NPIPB8: variants seen among roughly 807,000 people sequenced by gnomAD.
NPIPB8 encodes nuclear pore complex interacting protein family member B8.
NPIPB8 carries 3 observed loss-of-function variants against 5.3 expected under a neutral mutation model. That is an observed-to-expected ratio of 0.57 (90% CI 0.26 to 1.47). NPIPB8 has a LOEUF of 1.47. NPIPB8 is among the 40% of genes most tolerant of loss of function. The pLI is 0.13. For synonymous variants in NPIPB8, 18 were observed against 23.0 expected, an observed-to-expected ratio of 0.78 and a Z score of 0.62; for missense variants, 50 against 50.2, an observed-to-expected ratio of 1.00 and a Z score of 0.01.
chr16:28,639,444 C>CACAT (rs1452819801), intron 2 of NPIPB8, among the ~76,000 whole-genome samples: 1,809 of 116,798 alleles, frequency 0.015, 79 homozygotes, highest in African/African-American at 0.064. Context: ...CACACACACA[C>CACAT]ATATATATAT....
upstream of NPIPB8, chr16:28,637,923 A>C: frequency 1.8e-6 from 1 of 540,980 alleles, no homozygotes; most frequent in Non-Finnish European, 2.6e-6. Flanking sequence ...TAGTAATATA[A>C]AAATGAGAAA....
intron 2 of NPIPB8, among the ~76,000 whole-genome samples, chr16:28,647,534 A>G (rs2048006279): frequency 1.2e-5 from 1 of 83,778 alleles, no homozygotes; most frequent in African/African-American, 8.0e-5. Flanking sequence ...AGGCCGAGGC[A>G]GGTAGATCGC....
intron 2 of NPIPB8, among the ~76,000 whole-genome samples, chr16:28,642,969 T>A (rs1190569898): frequency 2.0e-5 from 3 of 152,210 alleles, no homozygotes; most frequent in Non-Finnish European, 4.4e-5. Flanking sequence ...TTGGGCATAC[T>A]CTGTGTGATC....
intron 5 of NPIPB8, among the ~76,000 whole-genome samples, chr16:28,655,997 TTTTTTG>T (rs1278820594): frequency 3.2e-4 from 5 of 15,448 alleles, no homozygotes; most frequent in African/African-American, 4.9e-4. Flanking sequence ...ACCGTACAGT[TTTTTTG>T]TTTTTGTTTT....
intron 3 of NPIPB8, among the ~76,000 whole-genome samples, chr16:28,651,604 T>TTGTGTGTGTG (rs533825986): frequency 2.6e-5 from 1 of 39,130 alleles, no homozygotes; most frequent in Non-Finnish European, 4.8e-5. Flanking sequence ...CATGTCATTC[T>TTGTGTGTGTG]TGTGTGTGTG....
intron 2 of NPIPB8, among the ~76,000 whole-genome samples, chr16:28,641,270 C>T (rs879306151): frequency 1.3e-5 from 2 of 150,842 alleles, no homozygotes; most frequent in African/African-American, 2.4e-5. Context: ...GACAGGGCAT[C>T]ATCTGTGGGG....
At chr16:28,644,593 C>A (rs769684608) in intron 2 of NPIPB8, 4 of 1,529,778 alleles carry the variant, frequency 2.6e-6, no homozygotes, top group South Asian at 1.2e-5. Flanking sequence ...CCAGGACATG[C>A]GGCTGCGCTT....
chr16:28,642,469 T>C (rs1322242301), intron 2 of NPIPB8, among the ~76,000 whole-genome samples: 2 of 151,056 alleles, frequency 1.3e-5, no homozygotes, highest in Admixed American at 6.6e-5. Flanking sequence ...TTGTAAACCC[T>C]GTTTTTTGTT....
chr16:28,641,995 C>T (rs1334496625), intron 2 of NPIPB8, among the ~76,000 whole-genome samples: 6 of 149,828 alleles, frequency 4.0e-5, no homozygotes. Context: ...CTCTAGCAAC[C>T]CTTCATGGAC....
At chr16:28,640,438 A>C (rs3987667) in intron 2 of NPIPB8, among the ~76,000 whole-genome samples, 1 of 152,152 alleles carries the variant, frequency 6.6e-6, no homozygotes, top group African/African-American at 2.4e-5. Flanking sequence ...GAGAGTGGCC[A>C]GTCTCAATGG....
chr16:28,638,854 AGGCC>A (rs2047839211), intron 2 of NPIPB8, among the ~76,000 whole-genome samples: 2 of 149,140 alleles, frequency 1.3e-5, no homozygotes, highest in Non-Finnish European at 3.0e-5. Context: ...GGATCACCTG[AGGCC>A]AGGACTTCAA....
At position 28,652,042 on chromosome 16, in the gene NPIPB8, G is replaced by T; in HGVS notation, c.389G>T (p.Arg130Leu). ...DVQQRAWRSN[R>L]SRQKGLRSIC... is the part of the protein sequence containing the mutation. Reference sequence around the variant, plus strand: ...CAGCAGAGAGCCTGGAGGTCCAACCGCAGTAGACAGAAAGGTATGGCTCTG... The same window carrying T: ...CAGCAGAGAGCCTGGAGGTCCAACCTCAGTAGACAGAAAGGTATGGCTCTG... Residue 130 changes from arginine to leucine, a missense_variant, in exon 4 of 8, where the codon CGC becomes CTC. Arg to Leu is a moderately radical substitution (Grantham distance 102). Transcript: ENST00000683297. 4 of 169,820 alleles carry T rather than the reference G, an allele frequency of 2.4e-5. No homozygotes were observed. Among genetic ancestry groups the T allele is most frequent in the South Asian group, 8.7e-5 (3 of 34,634 alleles). The allele number at this position is 169,820 out of a possible 1,614,324, so 10.5% of individuals were successfully genotyped here. A position where few individuals can be genotyped will look rare whatever the true frequency, so the allele number is the denominator to read the frequency against.
intron 2 of NPIPB8, among the ~76,000 whole-genome samples, chr16:28,638,709 C>T (rs1567328150): frequency 6.6e-6 from 1 of 150,568 alleles, no homozygotes; most frequent in Non-Finnish European, 1.5e-5. Context: ...TCATTGCTGG[C>T]ATGGTAACCT....
At chr16:28,641,395 T>C (rs1413923922) in intron 2 of NPIPB8, among the ~76,000 whole-genome samples, 1 of 144,816 alleles carries the variant, frequency 6.9e-6, no homozygotes, top group Non-Finnish European at 1.6e-5. Flanking sequence ...CTGACTGTAC[T>C]GCTGATGCTC....
At position 28,657,321 on chromosome 16, in the gene NPIPB8, G is replaced by A; in HGVS notation, c.696+653G>A. The A allele has an allele frequency of 3.2e-6, 2 of 634,460 alleles. 1 individual carries two copies. The highest frequency in any genetic ancestry group is 1.3e-4 in the South Asian group (2 of 14,844). The allele number at this position is 634,460 out of a possible 1,614,324, so 39.3% of individuals were successfully genotyped here. A position where few individuals can be genotyped will look rare whatever the true frequency, so the allele number is the denominator to read the frequency against. On this transcript the variant is annotated intron_variant, in intron 7 of 7. Transcript: ENST00000683297. ...TCTCTCCAGAGCTCTTTGTTCTCAT[G>A]GGTGGCACCTCCAGAGTGAAGAAGT...
chr16:28,640,811 T>C (rs1204788041), intron 2 of NPIPB8, among the ~76,000 whole-genome samples: 5 of 152,116 alleles, frequency 3.3e-5, no homozygotes, highest in Non-Finnish European at 5.9e-5. Context: ...TCAGAATCAA[T>C]TGAGTGACAT....
intron 2 of NPIPB8, among the ~76,000 whole-genome samples, chr16:28,640,352 C>T (rs909193746): frequency 1.1e-4 from 16 of 152,170 alleles, no homozygotes; most frequent in Non-Finnish European, 1.2e-4. Flanking sequence ...CTGTGCCCCA[C>T]ATGCCCTCAT....
At position 28,638,464 on chromosome 16, in the gene NPIPB8, G is replaced by A. The variant is rs758912512; in HGVS notation, c.104G>A (p.Cys35Tyr). 1 of 1,567,968 alleles carries A rather than the reference G, an allele frequency of 6.4e-7. No homozygotes were observed. The highest frequency in any genetic ancestry group is 8.6e-7 in the Non-Finnish European group (1 of 1,164,072). Residue 35 changes from cysteine (C) to tyrosine (Y), a missense_variant, in exon 2 of 8, where the codon TGC becomes TAC. Coordinates refer to ENST00000683297, the MANE Select transcript of NPIPB8 (RefSeq NM_001310136.2). ...QQHVKSVTCP[C>Y]EYLRKVINSL... ...CATGTAAAGTCAGTGACATGCCCAT[G>A]CGAGTACCTGAGGAAGGTGAGTGAG...
At chr16:28,643,092 C>A (rs1396567570) in intron 2 of NPIPB8, among the ~76,000 whole-genome samples, 2 of 151,324 alleles carry the variant, frequency 1.3e-5, no homozygotes, top group African/African-American at 4.9e-5. Flanking sequence ...GCTTGGAGCT[C>A]CCCACCCATC....
Sources: allele counts gnomAD v4.1 joint callset (sites outside exome capture counted in the v4.1 genomes callset), GRCh38; gene constraint gnomAD v4.1.1; transcripts MANE v1.5; gene names NCBI Gene and HGNC (gene_info 2026-07-23, HGNC 2026-07-21).